Variants in NAPB observed in about 807,000 individuals in gnomAD.
The protein encoded by NAPB is NSF attachment protein beta.
A neutral mutation model predicts 44.7 loss-of-function variants in NAPB; 26 were observed. That is an observed-to-expected ratio of 0.58 (90% CI 0.43 to 0.81). The LOEUF (loss-of-function observed/expected upper bound fraction) is 0.81. Among genes scored for constraint, NAPB ranks in the 30% least tolerant of loss-of-function variants. The probability of loss-of-function intolerance (pLI) is 0.00; values close to 1 mark genes in which losing one functional copy is unlikely to be tolerated. For synonymous variants in NAPB, 120 were observed against 116.8 expected (o/e 1.03, Z -0.18); for missense variants, 315 against 356.4 (o/e 0.88, Z 0.94).
chr20:23,380,853 G>GAA (rs528749125), intron 8 of NAPB: 4 of 158,308 alleles, frequency 2.5e-5, no homozygotes, highest in Non-Finnish European at 5.5e-5. Flanking sequence ...CAAAACTACT[G>GAA]AAAAAAAAAT....
At chr20:23,417,624 G>A (rs1335492138) in intron 1 of NAPB, among the ~76,000 whole-genome samples, 5 of 152,094 alleles carry the variant, frequency 3.3e-5, no homozygotes. Context: ...TAAAGGACAA[G>A]ACAACTCCTT....
At chr20:23,417,851 A>G (rs1324014420) in intron 1 of NAPB, among the ~76,000 whole-genome samples, 1 of 152,060 alleles carries the variant, frequency 6.6e-6, no homozygotes. Context: ...TATCAAGCAG[A>G]TAAGGCAGAG....
In NAPB at chr20:23,387,643, CA is replaced by C. The variant is rs374849936; in HGVS notation, c.561+2302del. On this transcript the variant is annotated intron_variant, in intron 7 of 10. Coordinates refer to ENST00000377026, the MANE Select transcript of NAPB (RefSeq NM_022080.3). Reference sequence around the variant, plus strand: ...AAAATAATTCAATTTGTAGTAGCGTCAAAAAAAAAATAAAATACTTTGGAGT... The same window carrying C: ...AAAATAATTCAATTTGTAGTAGCGTCAAAAAAAAATAAAATACTTTGGAGT... Among the ~76,000 whole-genome samples, 664 of 145,310 alleles carry C rather than the reference CA, an allele frequency of 4.6e-3. 9 individuals are homozygous for C. The highest frequency in any genetic ancestry group is 0.016 in the African/African-American group (621 of 39,776).
rs80121695 is a variant in NAPB at position 23,404,032 on chromosome 20, T to C, written c.99-960A>G. Among the ~76,000 whole-genome samples the C allele has an allele frequency of 7.7e-3, 1,180 of 152,264 alleles. 20 individuals are homozygous for C. Among genetic ancestry groups the C allele is most frequent in the African/African-American group, 0.026 (1,100 of 41,538 alleles). On this transcript the variant is annotated intron_variant, in intron 1 of 10. Transcript: ENST00000377026. ...GTACCTCCACTGTTGCTTGGACATA[T>C]ACAGTTCTGCAAAGTTCTTTACCAA...
chr20:23,421,127 TCCAGGGGGCGCTGGGGGAC>T (rs1048092613), intron 1 of NAPB, among the ~76,000 whole-genome samples, 159 bp downstream of exon 1: 3 of 150,074 alleles, frequency 2.0e-5, no homozygotes, highest in Non-Finnish European at 4.5e-5. Context: ...TCCTGGGGGC[TCCAGGGGGCGCTGGGGGAC>T]CCTACAGGAT....
chr20:23,396,876 T>C (rs1301270898), intron 3 of NAPB, 196 bp downstream of exon 3: 8 of 383,932 alleles, frequency 2.1e-5, no homozygotes, highest in Non-Finnish European at 3.1e-5. Context: ...TTTAACATAA[T>C]TTCTCCTCAT....
intron 5 of NAPB, among the ~76,000 whole-genome samples, chr20:23,394,620 T>C (rs1166320688): frequency 6.6e-6 from 1 of 152,184 alleles, no homozygotes; most frequent in Non-Finnish European, 1.5e-5. Flanking sequence ...CACTGGGCCT[T>C]AGAGTACTAA....
At chr20:23,414,574 GA>G (rs1985876064) in intron 1 of NAPB, among the ~76,000 whole-genome samples, 1 of 152,082 alleles carries the variant, frequency 6.6e-6, no homozygotes, top group Non-Finnish European at 1.5e-5. Context: ...TCCTCACCAT[GA>G]AAAAATATAC....
intron 7 of NAPB, among the ~76,000 whole-genome samples, chr20:23,385,009 C>T (rs1983365800): frequency 6.6e-6 from 1 of 152,082 alleles, no homozygotes; most frequent in Admixed American, 6.5e-5. Flanking sequence ...ATCTCAGCTA[C>T]TCGGGAGGCT....
intron 8 of NAPB, chr20:23,381,004 G>GCTATAAACTATAAA: frequency 7.7e-6 from 4 of 519,244 alleles, no homozygotes; most frequent in Non-Finnish European, 1.0e-5. Flanking sequence ...GGGTGGTATG[G>GCTATAAACTATAAA]CTATAAACTA....
intron 10 of NAPB, among the ~76,000 whole-genome samples, chr20:23,377,710 AT>A (rs1188840860): frequency 1.3e-5 from 2 of 152,158 alleles, no homozygotes; most frequent in Non-Finnish European, 2.9e-5. Flanking sequence ...TGGGCTTGAC[AT>A]TTCTCTGTTT....
At chr20:23,401,608 C>CA in intron 2 of NAPB, among the ~76,000 whole-genome samples, 1 of 152,324 alleles carries the variant, frequency 6.6e-6, no homozygotes, top group African/African-American at 2.4e-5. Flanking sequence ...CAGCCGGGCA[C>CA]AGTGGTTCAT....
chr20:23,421,304 C>G lies in NAPB; in HGVS notation c.98+1G>C. 1 of 1,556,444 alleles carries G rather than the reference C, an allele frequency of 6.4e-7. No homozygotes were observed. Among genetic ancestry groups the G allele is most frequent in the Non-Finnish European group, 8.7e-7 (1 of 1,149,884 alleles). ...CAGGGCACGCACGGTCTGGCGCTCA[C>G]CCAAACAGCCCTCGGAGGAAGGAGT... is the stretch of plus-strand genomic sequence containing the variant. On this transcript the variant is annotated splice_donor_variant, in intron 1 of 10. Coordinates refer to ENST00000377026, the MANE Select transcript of NAPB (RefSeq NM_022080.3). LOFTEE classifies it high-confidence loss of function.
chr20:23,394,949 A>G lies in NAPB; in HGVS notation c.393T>C (p.Tyr131=). 1 of 1,614,130 alleles carries G rather than the reference A, an allele frequency of 6.2e-7. No homozygotes were observed. Among genetic ancestry groups the G allele is most frequent in the Non-Finnish European group, 8.5e-7 (1 of 1,179,960 alleles). Residue 131 remains tyrosine (Y), a synonymous_variant, in exon 5 of 11, where the codon TAT becomes TAC. Coordinates refer to ENST00000377026, the MANE Select transcript of NAPB (RefSeq NM_022080.3). ...TCTCAATGTCTACAAGTTCAGTCTC[A>G]TAGATCTCTGCAATAGTAATGTGGT... The part of the protein sequence containing the change: ...AKHHITIAEI[Y]ETELVDIEKA...
intron 7 of NAPB, among the ~76,000 whole-genome samples, chr20:23,387,279 C>T (rs925511841): frequency 1.3e-5 from 2 of 151,946 alleles, no homozygotes; most frequent in African/African-American, 4.8e-5. Flanking sequence ...TGATATCTAC[C>T]GCTATCACAC....
rs71330886 is a variant in NAPB at position 23,389,231 on chromosome 20, T to TAAAAAA, written c.561+709_561+714dup. On this transcript the variant is annotated intron_variant, in intron 7 of 10. Coordinates refer to ENST00000377026, the MANE Select transcript of NAPB (RefSeq NM_022080.3). Reference sequence around the variant, plus strand: ...CACACTCATTAGGGTGACTATTATTTAAAAAAAAAAAAAAAAAAAAACCAA... The same window carrying TAAAAAA: ...CACACTCATTAGGGTGACTATTATTTAAAAAAAAAAAAAAAAAAAAAAAAAAACCAA... Among the ~76,000 whole-genome samples the TAAAAAA allele has an allele frequency of 1.8e-3, 204 of 115,360 alleles. 2 individuals are homozygous for TAAAAAA. Among genetic ancestry groups the TAAAAAA allele is most frequent in the African/African-American group, 6.1e-3 (182 of 29,978 alleles). 75.7% of individuals were successfully genotyped at this position (115,360 alleles called of 152,430 possible).
In NAPB at chr20:23,412,873, G is replaced by GT. The variant is rs540957682; in HGVS notation, c.98+8431dup. On this transcript the variant is annotated intron_variant, in intron 1 of 10. Transcript: ENST00000377026. ...TAGCCAGGTGTGGTGGCGTGTGCCT[G>GT]TATTCCTAGCTACTGGGGAGGCTGA... Among the ~76,000 whole-genome samples the GT allele has an allele frequency of 3.3e-4, 50 of 152,282 alleles. No individual in the cohort carries two copies. The East Asian group carries it at 8.3e-3, about 25-fold the overall frequency.
At chr20:23,411,835 A>C (rs908354423) in intron 1 of NAPB, among the ~76,000 whole-genome samples, 3 of 152,174 alleles carry the variant, frequency 2.0e-5, no homozygotes, top group African/African-American at 4.8e-5. Flanking sequence ...AAAAAAAGAG[A>C]CATGAAGACA....
intron 1 of NAPB, among the ~76,000 whole-genome samples, chr20:23,411,322 T>C (rs1048389367): frequency 6.6e-6 from 1 of 152,172 alleles, no homozygotes; most frequent in African/African-American, 2.4e-5. Context: ...AACTCAAAGT[T>C]ACTTATAAAA....
Sources: gnomAD v4.1 joint callset for allele counts (sites outside exome capture counted in the v4.1 genomes callset) on GRCh38, gnomAD v4.1.1 for gene constraint, MANE v1.5 for transcripts, NCBI Gene and HGNC (gene_info 2026-07-23, HGNC 2026-07-21) for gene names.